Variants in KIAA1217 observed in about 807,000 individuals in gnomAD.
The protein encoded by KIAA1217 is sickle tail protein homolog.
Under a neutral mutation model 163.9 loss-of-function variants are expected in KIAA1217, and 88 were observed. The observed-to-expected ratio is 0.54, with a 90% CI of 0.45 to 0.64. The LOEUF (loss-of-function observed/expected upper bound fraction) is 0.64, where lower values mean the gene tolerates loss of function less well. Among genes scored for constraint, KIAA1217 ranks in the 30% least tolerant of loss-of-function variants. The probability of loss-of-function intolerance (pLI) is 0.00; values close to 1 mark genes in which losing one functional copy is unlikely to be tolerated. For missense variants in KIAA1217, 2,372 were observed against 2,475.0 expected (o/e 0.96, Z 0.88); for synonymous variants, 903 against 923.1 (o/e 0.98, Z 0.39).
intron 1 of KIAA1217, among the ~76,000 whole-genome samples, chr10:23,938,431 C>T (rs898660413): frequency 2.0e-5 from 3 of 151,728 alleles, no homozygotes; most frequent in Non-Finnish European, 4.4e-5. Flanking sequence ...GTATATACAC[C>T]GAGACCTCTA....
chr10:24,360,830 C>T (rs1490436886), intron 2 of KIAA1217, among the ~76,000 whole-genome samples: 1 of 151,662 alleles, frequency 6.6e-6, no homozygotes, highest in African/African-American at 2.4e-5. Context: ...TTTTAAAACT[C>T]TCAAATCAAA....
At chr10:23,967,298 G>T (rs1845102334) in intron 1 of KIAA1217, among the ~76,000 whole-genome samples, 1 of 151,944 alleles carries the variant, frequency 6.6e-6, no homozygotes, top group African/African-American at 2.4e-5. Flanking sequence ...AAAATAGCAA[G>T]ATAACAGAAA....
chr10:24,520,681 C>CAA lies in KIAA1217; in HGVS notation c.2308+429_2308+430insAA, dbSNP rs1232348396. 2.1e-3 allele frequency among the ~76,000 whole-genome samples: 199 copies of CAA among 96,688 alleles called. 10 individuals are homozygous for CAA. The East Asian group carries it at 0.032, about 16-fold the overall frequency. The allele number at this position is 96,688 out of a possible 152,430, so 63.4% of individuals were successfully genotyped here. A position where few individuals can be genotyped will look rare whatever the true frequency, so the allele number is the denominator to read the frequency against. ...ATATATATATATATATATATACACA[C>CAA]ACACACAAAAAAAAATTAGCCAGGT... On this transcript the variant is annotated intron_variant, in intron 11 of 20. Coordinates refer to ENST00000376454, the MANE Select transcript of KIAA1217 (RefSeq NM_019590.5).
At chr10:24,002,014 G>T (rs190278813) in intron 1 of KIAA1217, among the ~76,000 whole-genome samples, 1 of 152,190 alleles carries the variant, frequency 6.6e-6, no homozygotes, top group African/African-American at 2.4e-5. Context: ...GTTCAGCCGT[G>T]AGTTGGGCAT....
At chr10:24,213,333 C>A (rs1370634633) in intron 1 of KIAA1217, among the ~76,000 whole-genome samples, 1 of 152,132 alleles carries the variant, frequency 6.6e-6, no homozygotes, top group South Asian at 2.1e-4. Context: ...GACGTGTGTG[C>A]TTTTGCTCTG....
chr10:24,391,070 T>C (rs997707896), intron 3 of KIAA1217, among the ~76,000 whole-genome samples: 6 of 152,140 alleles, frequency 3.9e-5, no homozygotes, highest in African/African-American at 1.4e-4. Flanking sequence ...TTTGAAGCAA[T>C]TGTTTAGTTA....
In KIAA1217 at chr10:24,003,169, C is replaced by T. The variant is rs1334200572; in HGVS notation, c.-320-4056C>T. Among the ~76,000 whole-genome samples the T allele has an allele frequency of 2.6e-5, 4 of 151,830 alleles. No homozygotes were observed. In the South Asian group the frequency reaches 6.2e-4, roughly 24 times the overall value. The stretch of plus-strand genomic sequence containing the variant: ...TTTGTTTTTTCATTTTTGGTAGATA[C>T]CTAGTAGTAGGATTGCTGGATTGAT... On this transcript the variant is annotated intron_variant, in intron 1 of 18. Coordinates refer to the KIAA1217 transcript ENST00000376462.
chr10:23,794,706 G>T (rs1350092985), intron 1 of KIAA1217, among the ~76,000 whole-genome samples: 1 of 152,212 alleles, frequency 6.6e-6, no homozygotes, highest in Non-Finnish European at 1.5e-5. Flanking sequence ...TAACCTCTAT[G>T]AAGTCAATTA....
At chr10:24,003,228 A>G (rs1846833302) in intron 1 of KIAA1217, among the ~76,000 whole-genome samples, 1 of 152,156 alleles carries the variant, frequency 6.6e-6, no homozygotes. Context: ...TAGGGAACCT[A>G]CACACCGTTT....
Position 23,853,029 on chromosome 10 carries a change from G to A in KIAA1217, c.-320-154196G>A, listed in dbSNP as rs7896731. 4.9e-3 allele frequency among the ~76,000 whole-genome samples: 752 copies of A among 152,144 alleles called. 5 individuals carry two copies. Among genetic ancestry groups the A allele is most frequent in the African/African-American group, 0.017 (695 of 41,500 alleles). On this transcript the variant is annotated intron_variant, in intron 1 of 18. Coordinates refer to the KIAA1217 transcript ENST00000376462. The stretch of plus-strand genomic sequence containing the variant: ...TTTCCTTCTCCTGCCTAATTGCCCC[G>A]GCCAGAACTTCCAACACTATGTTGA...
intron 1 of KIAA1217, among the ~76,000 whole-genome samples, chr10:23,898,001 A>AGGCTAATAGTGAGTGTTAGGAGAGAAAGT (rs1409945188): frequency 2.0e-5 from 3 of 151,894 alleles, no homozygotes; most frequent in African/African-American, 7.3e-5. Context: ...ATTTTGGTTG[A>AGGCTAATAGTGAGTGTTAGGAGAGAAAGT]GGCTAATAGT....
At chr10:24,477,156 A>G (rs1216451309) in intron 6 of KIAA1217, among the ~76,000 whole-genome samples, 3 of 152,182 alleles carry the variant, frequency 2.0e-5, no homozygotes, top group Admixed American at 2.0e-4. Flanking sequence ...ACTCTTTTAG[A>G]TATCTTGGTA....
intron 1 of KIAA1217, among the ~76,000 whole-genome samples, chr10:23,760,144 C>G (rs1309550971): frequency 3.9e-5 from 6 of 152,154 alleles, no homozygotes; most frequent in African/African-American, 1.4e-4. Context: ...TGGGCATACA[C>G]AAATCAAATC....
At chr10:24,299,555 C>T (rs529136190) in intron 2 of KIAA1217, among the ~76,000 whole-genome samples, 24 of 152,214 alleles carry the variant, frequency 1.6e-4, no homozygotes, top group African/African-American at 4.6e-4. Flanking sequence ...TGCACCACCA[C>T]GCCTGGCTAA....
chr10:24,092,944 G>T (rs2061998473), intron 2 of KIAA1217, among the ~76,000 whole-genome samples: 1 of 150,980 alleles, frequency 6.6e-6, no homozygotes, highest in South Asian at 2.1e-4. Context: ...GTGTGTGTGT[G>T]TGTGTGTGTG....
chr10:24,167,301 G>C (rs1006335504), intron 2 of KIAA1217, among the ~76,000 whole-genome samples: 1 of 151,914 alleles, frequency 6.6e-6, no homozygotes, highest in African/African-American at 2.4e-5. Flanking sequence ...GTGTGTGTGT[G>C]TGTGTGTGTG....
intron 19 of KIAA1217, 137 bp from the exon 20 acceptor site, chr10:24,544,844 G>T: frequency 1.1e-6 from 1 of 877,260 alleles, no homozygotes; most frequent in Non-Finnish European, 1.8e-6. Flanking sequence ...ACCCCAGTTG[G>T]TGTCTCCTAG....
intron 1 of KIAA1217, among the ~76,000 whole-genome samples, chr10:23,929,810 G>C (rs1276280547): frequency 6.6e-6 from 1 of 152,112 alleles, no homozygotes; most frequent in Admixed American, 6.5e-5. Context: ...TTTTCCTTTG[G>C]ATATATACCC....
intron 2 of KIAA1217, among the ~76,000 whole-genome samples, chr10:24,303,154 C>A (rs2041581677): frequency 6.6e-6 from 1 of 152,114 alleles, no homozygotes; most frequent in Admixed American, 6.5e-5. Flanking sequence ...GCTGGGACTG[C>A]AGGTGCACAC....
Sources: gnomAD v4.1 joint callset for allele counts (sites outside exome capture counted in the v4.1 genomes callset) on GRCh38, gnomAD v4.1.1 for gene constraint, MANE v1.5 for transcripts, NCBI Gene and HGNC (gene_info 2026-07-23, HGNC 2026-07-21) for gene names.